The following SNRK variants were observed in gnomAD, a reference collection of about 807,000 sequenced individuals.
The protein encoded by SNRK is SNF-related serine/threonine-protein kinase.
In SNRK, 3 loss-of-function variants were observed where a neutral mutation model predicts 48.2. The observed-to-expected ratio is 0.06, with a 90% confidence interval of 0.03 to 0.16. SNRK has a LOEUF of 0.16. Ranked by LOEUF, SNRK falls within the 10% of genes least tolerant of loss-of-function variation. The probability of loss-of-function intolerance (pLI) is 1.00; values close to 1 mark genes in which losing one functional copy is unlikely to be tolerated. For missense variants in SNRK, 627 were observed against 976.0 expected (o/e 0.64, Z 4.76); for synonymous variants, 376 against 366.1 (o/e 1.03, Z -0.31).
rs1164602685 is a variant in SNRK at position 43,348,235 on chromosome 3, A to C, written c.1976A>C (p.His659Pro). ...LMSLCLGSQL[H>P]GSTKYIIDPQ... Reference sequence around the variant, plus strand: ...AGCCTCTGCCTCGGCTCCCAGCTTCATGGGAGCACCAAGTACATTATTGAT... The same window carrying C: ...AGCCTCTGCCTCGGCTCCCAGCTTCCTGGGAGCACCAAGTACATTATTGAT... Residue 659 changes from histidine to proline, a missense_variant, in exon 7 of 7, where the codon CAT becomes CCT. His to Pro is a moderately conservative substitution (Grantham distance 77). This residue lies in a region of SNRK where 207 missense variants were observed against 234.3 expected (regional missense o/e 0.88). Transcript: ENST00000296088. 1 of 1,613,534 alleles carries C rather than the reference A, an allele frequency of 6.2e-7. No homozygotes were observed. The highest frequency in any genetic ancestry group is 1.1e-5 in the South Asian group (1 of 91,034).
intron 5 of SNRK, among the ~76,000 whole-genome samples, chr3:43,341,081 C>T (rs1265043067): frequency 2.0e-5 from 3 of 152,304 alleles, no homozygotes; most frequent in South Asian, 2.1e-4. Flanking sequence ...CCTGCTGCAG[C>T]CACCTGGAGC....
chr3:43,343,492 C>A lies in SNRK; in HGVS notation c.1079+14C>A. The A allele has an allele frequency of 6.2e-7, 1 of 1,604,014 alleles. No homozygotes were observed. Among genetic ancestry groups the A allele is most frequent in the Non-Finnish European group, 8.5e-7 (1 of 1,177,120 alleles). On this transcript the variant is annotated intron_variant, in intron 6 of 6. Transcript: ENST00000296088. ...GGCCCAGTTTAGGTGAGAAAAAAAT[C>A]TTCACTGATTTTAGTAAGTTTAACG...
Position 43,303,288 on chromosome 3 carries a change from G to A in SNRK, c.85G>A (p.Val29Met), listed in dbSNP as rs754467995. ...DKTLGRGHFA[V>M]VKLARHVFTG... is the part of the protein sequence containing the mutation. ...AACCTTGGGTCGAGGCCATTTTGCCGTGGTTAAACTTGCCAGGCATGTCTT... is the reference window on the plus strand; with the variant it reads ...AACCTTGGGTCGAGGCCATTTTGCCATGGTTAAACTTGCCAGGCATGTCTT... The change falls in exon 3 of 7, where the codon GTG becomes ATG. Residue 29 changes from valine to methionine, a missense_variant. Physicochemically the swap from Val to Met is conservative, Grantham distance 21 (BLOSUM62 1). Coordinates refer to ENST00000296088, the MANE Select transcript of SNRK (RefSeq NM_017719.5). The surrounding 1 kb of genome is among the most constrained non-coding windows in gnomAD (Gnocchi z 6.2). 1.9e-6 allele frequency: 3 copies of A among 1,614,154 alleles called. No homozygotes were observed. The highest frequency in any genetic ancestry group is 2.5e-6 in the Non-Finnish European group (3 of 1,180,024).
chr3:43,333,728 C>T (rs1157898092), intron 4 of SNRK, among the ~76,000 whole-genome samples: 3 of 152,082 alleles, frequency 2.0e-5, no homozygotes, highest in African/African-American at 7.2e-5. Context: ...ATATATCATT[C>T]AAATAAGTAT....
intron 4 of SNRK, among the ~76,000 whole-genome samples, chr3:43,338,065 T>C (rs1322459576): frequency 6.6e-6 from 1 of 152,214 alleles, no homozygotes; most frequent in African/African-American, 2.4e-5. Context: ...ATTCTCTTCT[T>C]GAACAACACA....
Position 43,348,073 on chromosome 3 carries a change from G to C in SNRK, c.1814G>C (p.Gly605Ala), listed in dbSNP as rs927235415. 6.3e-7 allele frequency: 1 copy of C among 1,599,112 alleles called. No individual in the cohort carries two copies. The highest frequency in any genetic ancestry group is 1.3e-5 in the African/African-American group (1 of 74,640). Reference sequence around the variant, plus strand: ...AGCCCCAGTGAGAACAATGCTGGTGGGGGCAGTCCCTCCAGCGGCTCGGGT... The same window carrying C: ...AGCCCCAGTGAGAACAATGCTGGTGCGGGCAGTCCCTCCAGCGGCTCGGGT... Reference protein sequence around the residue: ...KASPSENNAGGGSPSSGSGGN... With the variant: ...KASPSENNAGAGSPSSGSGGN... The change falls in exon 7 of 7, where the codon GGG becomes GCG. Residue 605 changes from glycine (G) to alanine (A), a missense_variant. Gly to Ala is a moderately conservative substitution (Grantham distance 60). Transcript: ENST00000296088.
At position 43,347,628 on chromosome 3, in the gene SNRK, A is replaced by C; in HGVS notation, c.1369A>C (p.Lys457Gln). 1 of 1,613,918 alleles carries C rather than the reference A, an allele frequency of 6.2e-7. No individual in the cohort carries two copies. Among genetic ancestry groups the C allele is most frequent in the African/African-American group, 1.3e-5 (1 of 75,020 alleles). ...TGAAGAGGAAGATGAGGAGGACAAGAAACCCATGTCCCTCTCAACACAAGT... is the reference window on the plus strand; with the variant it reads ...TGAAGAGGAAGATGAGGAGGACAAGCAACCCATGTCCCTCTCAACACAAGT... ...EDEEEDEEDK[K>Q]PMSLSTQVVL... is the part of the protein sequence containing the mutation. Residue 457 changes from lysine to glutamine, a missense_variant, in exon 7 of 7, where the codon AAA becomes CAA. Around this residue, in one of 4 missense-constraint regions of SNRK, gnomAD observed 175 missense variants for 209.7 expected, o/e 0.83. Coordinates refer to ENST00000296088, the MANE Select transcript of SNRK (RefSeq NM_017719.5). This position sits in a 1 kb window ranked among gnomAD's most constrained non-coding sequence, Gnocchi z 5.4.
intron 3 of SNRK, among the ~76,000 whole-genome samples, chr3:43,319,014 C>T (rs538063463): frequency 1.5e-3 from 215 of 146,108 alleles, no homozygotes; most frequent in African/African-American, 4.7e-3. Flanking sequence ...GGCGACAAAG[C>T]GAGACTTTGT....
intron 5 of SNRK, among the ~76,000 whole-genome samples, chr3:43,341,739 C>T (rs1202844161): frequency 6.6e-6 from 1 of 152,304 alleles, no homozygotes; most frequent in East Asian, 1.9e-4. Context: ...GTTGGCTGGA[C>T]CTGCAGACCC....
At chr3:43,338,245 T>G (rs544958802) in intron 4 of SNRK, among the ~76,000 whole-genome samples, 22 of 152,354 alleles carry the variant, frequency 1.4e-4, no homozygotes, top group African/African-American at 4.6e-4. Context: ...CAAAATAAAA[T>G]TGTTTAGAAT....
chr3:43,342,873 C>G (rs896782827), intron 5 of SNRK, among the ~76,000 whole-genome samples: 1 of 152,186 alleles, frequency 6.6e-6, no homozygotes, highest in Non-Finnish European at 1.5e-5. Flanking sequence ...CCAGTAAATG[C>G]AGAGGGAGTA....
chr3:43,322,918 C>CT (rs1368781170), intron 3 of SNRK, among the ~76,000 whole-genome samples: 2 of 118,040 alleles, frequency 1.7e-5, no homozygotes, highest in Non-Finnish European at 3.2e-5. Context: ...TGCCACTGCA[C>CT]TACAGCCTGC....
intron 3 of SNRK, among the ~76,000 whole-genome samples, chr3:43,324,385 T>C (rs1388405510): frequency 6.6e-6 from 1 of 152,068 alleles, no homozygotes; most frequent in Non-Finnish European, 1.5e-5. Context: ...GGCACATGCC[T>C]GTGGTTCCGG....
At chr3:43,322,951 C>A (rs199999544) in intron 3 of SNRK, among the ~76,000 whole-genome samples, 122 of 72,622 alleles carry the variant, frequency 1.7e-3, no homozygotes, top group South Asian at 2.0e-3. Flanking sequence ...GACTCCGTCT[C>A]AAAAAAAAAA....
chr3:43,304,267 A>AT (rs528792181), intron 3 of SNRK, among the ~76,000 whole-genome samples: 26 of 152,150 alleles, frequency 1.7e-4, no homozygotes, highest in Non-Finnish European at 3.5e-4. Flanking sequence ...TCTCTGCTTC[A>AT]TTTTTTATCC....
At chr3:43,328,352 A>C (rs1423519790) in intron 3 of SNRK, among the ~76,000 whole-genome samples, 1 of 151,994 alleles carries the variant, frequency 6.6e-6, no homozygotes, top group Non-Finnish European at 1.5e-5. Flanking sequence ...ATATTCTCTA[A>C]AATGAATGGT....
intron 3 of SNRK, among the ~76,000 whole-genome samples, chr3:43,317,017 T>TGTTTGTTTTAAAA (rs2091018382): frequency 6.6e-6 from 1 of 152,204 alleles, no homozygotes; most frequent in South Asian, 2.1e-4. Flanking sequence ...TTCGTTTGTT[T>TGTTTGTTTTAAAA]GTTTGTTTTA....
intron 1 of SNRK, among the ~76,000 whole-genome samples, chr3:43,296,933 G>A (rs990072637): frequency 2.6e-5 from 4 of 152,146 alleles, no homozygotes; most frequent in African/African-American, 9.7e-5. Flanking sequence ...GAGAACATCA[G>A]TATATTCTTG....
At chr3:43,329,113 T>G (rs549691770) in intron 3 of SNRK, among the ~76,000 whole-genome samples, 1 of 152,338 alleles carries the variant, frequency 6.6e-6, no homozygotes, top group Non-Finnish European at 1.5e-5. Flanking sequence ...AGTGGCCTGT[T>G]TTTATCTCTT....
Sources: gnomAD v4.1 joint callset for allele counts (sites outside exome capture counted in the v4.1 genomes callset) on GRCh38, gnomAD v4.1.1 for gene constraint, gnomAD v4.1.1 regional missense constraint, Gnocchi (gnomAD v3.1) non-coding constraint, MANE v1.5 for transcripts, NCBI Gene and HGNC (gene_info 2026-07-23, HGNC 2026-07-21) for gene names.